EML1: variants seen among roughly 807,000 people sequenced by gnomAD.
The protein encoded by EML1 is EMAP like 1.
EML1 carries 27 observed loss-of-function variants against 110.4 expected under a neutral mutation model. The observed-to-expected ratio is 0.24, with a 90% CI of 0.18 to 0.34. The LOEUF (loss-of-function observed/expected upper bound fraction) is 0.34. Ranked by LOEUF, EML1 falls within the 10% of genes least tolerant of loss-of-function variation. The pLI is 1.00. For synonymous variants in EML1, 344 were observed against 385.8 expected, an observed-to-expected ratio of 0.89 and a Z score of 1.27; for missense variants, 741 against 1,030.9, an observed-to-expected ratio of 0.72 and a Z score of 3.85.
intron 1 of EML1, among the ~76,000 whole-genome samples, chr14:99,843,913 G>A (rs573112192): frequency 9.9e-5 from 15 of 152,278 alleles, no homozygotes; most frequent in Admixed American, 5.2e-4. Flanking sequence ...TCCTCAGAGG[G>A]AAGACAGATA....
Position 99,910,232 on chromosome 14 carries a change from CA to C in EML1, c.1240-9del. The C allele has an allele frequency of 6.3e-7, 1 of 1,586,298 alleles. No individual in the cohort carries two copies. The highest frequency in any genetic ancestry group is 8.6e-7 in the Non-Finnish European group (1 of 1,164,592). On this transcript the variant is annotated splice_polypyrimidine_tract_variant and intron_variant, in intron 11 of 21. Transcript: ENST00000262233. ...AAATATATATATAATTTTTTTACTA[CA>C]TTCTACAGAAACAAGAAAAGCCAAA...
At chr14:99,861,277 G>A (rs1185931282) in intron 2 of EML1, among the ~76,000 whole-genome samples, 3 of 152,180 alleles carry the variant, frequency 2.0e-5, no homozygotes, top group Admixed American at 6.5e-5. Context: ...GTGTGATGAC[G>A]GTGGCCAGGG....
exon 1 of EML1, chr14:99,737,860 G>A (rs900291277): frequency 1.1e-5 from 14 of 1,289,120 alleles, no homozygotes; most frequent in East Asian, 1.1e-4. Flanking sequence ...CCCCTCCGCC[G>A]GTGAGTGGCA....
At chr14:99,935,885 A>G (rs2060461734) in intron 17 of EML1, 144 bp from the exon 18 acceptor site, 2 of 729,412 alleles carry the variant, frequency 2.7e-6, no homozygotes, top group African/African-American at 3.6e-5. Context: ...CAAAGGATTC[A>G]TTGAAAAGCA....
chr14:99,826,703 CT>C (rs1436678399), intron 1 of EML1, among the ~76,000 whole-genome samples: 1 of 149,892 alleles, frequency 6.7e-6, no homozygotes, highest in East Asian at 2.0e-4. Context: ...CATCTTGCTT[CT>C]TGGGAAAAAA....
chr14:99,865,467 C>T (rs748032784), intron 2 of EML1, 47 bp from the exon 3 acceptor site: 1 of 1,609,798 alleles, frequency 6.2e-7, no homozygotes, highest in African/African-American at 1.3e-5. Flanking sequence ...AAAATGTTAC[C>T]TTTGCAAAGG....
At chr14:99,763,023 G>T (rs974179458) in intron 1 of EML1, among the ~76,000 whole-genome samples, 1 of 152,138 alleles carries the variant, frequency 6.6e-6, no homozygotes, top group Non-Finnish European at 1.5e-5. Context: ...GGAGGCAATT[G>T]AATCATGGGG....
chr14:99,751,664 C>A (rs1306517286), intron 1 of EML1, among the ~76,000 whole-genome samples: 4 of 152,054 alleles, frequency 2.6e-5, no homozygotes, highest in Admixed American at 2.0e-4. Context: ...AAAGACCGGG[C>A]CATGGAGCTT....
In EML1 at chr14:99,941,760, T is replaced by C. The variant is rs2060593268; in HGVS notation, c.*1648T>C. The C allele has an allele frequency of 6.6e-6, 1 of 152,214 alleles. No homozygotes were observed. The highest frequency in any genetic ancestry group is 2.1e-4 in the South Asian group (1 of 4,836). The allele number at this position is 152,214 out of a possible 1,614,324, so 9.4% of individuals were successfully genotyped here. A position where few individuals can be genotyped will look rare whatever the true frequency, so the allele number is the denominator to read the frequency against. On this transcript the variant is annotated 3_prime_UTR_variant, in exon 22 of 22. Transcript: ENST00000262233. ...TTGGCCTAATTACCATACTCAATTG[T>C]CAGTTTACGTGGTTTTGTGAATACT...
In EML1 at chr14:99,767,324, C is replaced by T. The variant is rs1459257613; in HGVS notation, c.28+29464C>T. ...TCTTTTCTCTGTAAAACGGCATTGG[C>T]CGGGCACGGTGGCTCACGCCTGTAA... is the stretch of plus-strand genomic sequence containing the variant. On this transcript the variant is annotated intron_variant, in intron 1 of 10. Transcript: ENST00000554479. Among the ~76,000 whole-genome samples, 3 of 152,226 alleles carry T rather than the reference C, an allele frequency of 2.0e-5. 1 individual carries two copies. In the East Asian group the frequency reaches 5.8e-4, roughly 29 times the overall value.
At chr14:99,779,799 C>T (rs2146239) in intron 1 of EML1, among the ~76,000 whole-genome samples, 5 of 152,048 alleles carry the variant, frequency 3.3e-5, no homozygotes, top group African/African-American at 1.2e-4. Context: ...GCTTCCCCTC[C>T]CCTCTGGTAT....
At chr14:99,741,065 C>G (rs2057035981) in intron 1 of EML1, among the ~76,000 whole-genome samples, 1 of 152,222 alleles carries the variant, frequency 6.6e-6, no homozygotes, top group African/African-American at 2.4e-5. Context: ...GCAATGAATG[C>G]AGGTCCATCA....
At chr14:99,785,489 C>T (rs1400864927) in intron 1 of EML1, among the ~76,000 whole-genome samples, 6 of 152,214 alleles carry the variant, frequency 3.9e-5, no homozygotes, top group East Asian at 1.9e-4. Flanking sequence ...ATACATTCTC[C>T]AGGCCTCAGT....
In EML1 at chr14:99,879,580, A is replaced by T. The variant is rs74087931; in HGVS notation, c.518+961A>T. Among the ~76,000 whole-genome samples, 458 of 152,320 alleles carry T rather than the reference A, an allele frequency of 3.0e-3. 2 individuals carry two copies. The highest frequency in any genetic ancestry group is 0.01 in the African/African-American group (422 of 41,560). ...GAAGCTTAAACTCTTTTTCAGTTTTATTCCTAAAAGATGTCTGTTGTAGAA... is the reference window on the plus strand; with the variant it reads ...GAAGCTTAAACTCTTTTTCAGTTTTTTTCCTAAAAGATGTCTGTTGTAGAA... On this transcript the variant is annotated intron_variant, in intron 4 of 21. Transcript: ENST00000262233.
intron 1 of EML1, among the ~76,000 whole-genome samples, chr14:99,809,022 A>G (rs1025192374): frequency 2.6e-5 from 4 of 152,290 alleles, no homozygotes; most frequent in Middle Eastern, 3.4e-3. Flanking sequence ...AGGTCTCCCG[A>G]AAAAAACCCC....
rs368713724 is a variant in EML1, at chr14:99,810,141, G to C, written c.67+16598G>C. ...TGGCGTGTAGGAAGCTGGCGCCCCT[G>C]GGGGAACTGCAAGGCCATTTTACAG... is the stretch of plus-strand genomic sequence containing the variant. On this transcript the variant is annotated intron_variant, in intron 1 of 21. Coordinates refer to ENST00000262233, the MANE Select transcript of EML1 (RefSeq NM_004434.3). Among the ~76,000 whole-genome samples the C allele has an allele frequency of 2.4e-4, 37 of 152,220 alleles. No homozygotes were observed. The South Asian group carries it at 7.5e-3, about 31-fold the overall frequency.
Position 99,905,798 on chromosome 14 carries a change from G to A in EML1, c.1009-1840G>A, listed in dbSNP as rs1309696038. On this transcript the variant is annotated intron_variant, in intron 9 of 21. Coordinates refer to ENST00000262233, the MANE Select transcript of EML1 (RefSeq NM_004434.3). This position sits in a 1 kb window ranked among gnomAD's most constrained non-coding sequence, Gnocchi z 4.1. ...TTAGGAAGGACTCTAACCTTCCTAAGTTGGGCCTGGAACCCAAGGTCTGTC... is the reference window on the plus strand; with the variant it reads ...TTAGGAAGGACTCTAACCTTCCTAAATTGGGCCTGGAACCCAAGGTCTGTC... Among the ~76,000 whole-genome samples, 2 of 152,136 alleles carry A rather than the reference G, an allele frequency of 1.3e-5. No homozygotes were observed. Among genetic ancestry groups the A allele is most frequent in the African/African-American group, 4.8e-5 (2 of 41,432 alleles).
intron 4 of EML1, among the ~76,000 whole-genome samples, chr14:99,890,107 T>C (rs761151700): frequency 3.3e-5 from 5 of 152,180 alleles, no homozygotes; most frequent in Admixed American, 2.6e-4. Flanking sequence ...ATATTAGGAA[T>C]ATATCTGCTC....
At chr14:99,819,164 G>C (rs987126871) in intron 1 of EML1, among the ~76,000 whole-genome samples, 3 of 152,210 alleles carry the variant, frequency 2.0e-5, no homozygotes, top group Non-Finnish European at 1.5e-5. Context: ...ATGTTGCCCA[G>C]ATTGGTCTTT....
Sources: gnomAD v4.1 joint callset for allele counts (sites outside exome capture counted in the v4.1 genomes callset) on GRCh38, gnomAD v4.1.1 for gene constraint, Gnocchi (gnomAD v3.1) non-coding constraint, MANE v1.5 for transcripts, NCBI Gene and HGNC (gene_info 2026-07-23, HGNC 2026-07-21) for gene names.